Variants in FCHSD2 observed in about 807,000 individuals in gnomAD.
The protein encoded by FCHSD2 is FCH and double SH3 domains 2.
A neutral mutation model predicts 108.1 loss-of-function variants in FCHSD2; 38 were observed. The observed-to-expected ratio is 0.35, with a 90% confidence interval of 0.27 to 0.46. FCHSD2 has a LOEUF of 0.46. FCHSD2 is among the 20% of genes least tolerant of loss of function. The pLI, the probability that FCHSD2 is intolerant of heterozygous loss-of-function variation, is 1.00. For missense variants in FCHSD2, 751 were observed against 897.8 expected, an observed-to-expected ratio of 0.84 and a Z score of 2.09; for synonymous variants, 279 against 314.7, an observed-to-expected ratio of 0.89 and a Z score of 1.20.
chr11:72,866,359 T>C (rs1854724668), intron 13 of FCHSD2, among the ~76,000 whole-genome samples: 1 of 152,172 alleles, frequency 6.6e-6, no homozygotes, highest in Non-Finnish European at 1.5e-5. Context: ...AACCTCTGCC[T>C]CCCGGGTTCA....
chr11:73,043,238 G>T (rs1489316124), intron 3 of FCHSD2, among the ~76,000 whole-genome samples: 2 of 152,132 alleles, frequency 1.3e-5, no homozygotes, highest in African/African-American at 4.8e-5. Flanking sequence ...TCTATGCCCA[G>T]TCTGTTGAGA....
At chr11:72,854,363 T>C (rs1376428704) in intron 13 of FCHSD2, among the ~76,000 whole-genome samples, 1 of 152,236 alleles carries the variant, frequency 6.6e-6, no homozygotes, top group Non-Finnish European at 1.5e-5. Context: ...AATGTATGTA[T>C]ATACCACAAA....
At chr11:72,851,151 G>C (rs1480898728) in intron 13 of FCHSD2, among the ~76,000 whole-genome samples, 2 of 149,514 alleles carry the variant, frequency 1.3e-5, no homozygotes, top group Non-Finnish European at 3.0e-5. Flanking sequence ...CAAGGATGTG[G>C]AGAACAGGAT....
At chr11:73,044,777 C>T (rs1307275978) in intron 3 of FCHSD2, among the ~76,000 whole-genome samples, 2 of 152,070 alleles carry the variant, frequency 1.3e-5, no homozygotes, top group African/African-American at 4.8e-5. Flanking sequence ...AATCATCTAA[C>T]ACTAAGGATG....
intron 10 of FCHSD2, among the ~76,000 whole-genome samples, chr11:72,897,950 T>C (rs1384389429): frequency 1.3e-5 from 2 of 152,190 alleles, no homozygotes; most frequent in African/African-American, 2.4e-5. Flanking sequence ...AAATGATAAT[T>C]GAAGATATAA....
At chr11:72,938,743 A>C (rs1250000540) in intron 8 of FCHSD2, among the ~76,000 whole-genome samples, 1 of 152,182 alleles carries the variant, frequency 6.6e-6, no homozygotes, top group South Asian at 2.1e-4. Flanking sequence ...CTTCAGAATT[A>C]CATTAGTCAC....
chr11:73,014,330 T>C (rs1299669524), intron 4 of FCHSD2, among the ~76,000 whole-genome samples: 1 of 151,956 alleles, frequency 6.6e-6, no homozygotes, highest in Non-Finnish European at 1.5e-5. Flanking sequence ...AGTATCACTA[T>C]ACTGCCCAGT....
chr11:72,985,518 G>A (rs1190237820), intron 6 of FCHSD2, among the ~76,000 whole-genome samples: 1 of 152,180 alleles, frequency 6.6e-6, no homozygotes, highest in Non-Finnish European at 1.5e-5. Flanking sequence ...ATCAACCTAT[G>A]GAGGCAAGCG....
chr11:73,035,651 T>C (rs1278202084), intron 3 of FCHSD2, among the ~76,000 whole-genome samples: 1 of 152,124 alleles, frequency 6.6e-6, no homozygotes, highest in Non-Finnish European at 1.5e-5. Context: ...TTCTACAATA[T>C]GCCAAATGCT....
intron 8 of FCHSD2, among the ~76,000 whole-genome samples, chr11:72,973,148 A>C (rs1011590748): frequency 2.0e-5 from 3 of 152,158 alleles, no homozygotes; most frequent in African/African-American, 7.2e-5. Flanking sequence ...CAGGCGGATC[A>C]CCTGAGGTCA....
At chr11:72,990,776 A>C (rs557198292) in intron 5 of FCHSD2, among the ~76,000 whole-genome samples, 1 of 152,328 alleles carries the variant, frequency 6.6e-6, no homozygotes, top group South Asian at 2.1e-4. Context: ...AAAATTGACA[A>C]CCTAACATGA....
chr11:72,843,361 C>T (rs777348814), intron 15 of FCHSD2, 33 bp from the exon 16 acceptor site: 9 of 1,551,254 alleles, frequency 5.8e-6, no homozygotes, highest in Non-Finnish European at 7.1e-6. Flanking sequence ...AACAAGTTTA[C>T]ACACACAATT....
chr11:73,011,604 C>CTCA (rs1857865278), intron 4 of FCHSD2, among the ~76,000 whole-genome samples: 1 of 152,106 alleles, frequency 6.6e-6, no homozygotes, highest in Admixed American at 6.5e-5. Context: ...GTTCTCAGAG[C>CTCA]GTGTGTGGGA....
At chr11:72,873,082 CA>C (rs1239567419) in intron 12 of FCHSD2, among the ~76,000 whole-genome samples, 4 of 152,196 alleles carry the variant, frequency 2.6e-5, no homozygotes, top group Non-Finnish European at 4.4e-5. Flanking sequence ...ATAATCCCAG[CA>C]CTTCGGGAGG....
intron 13 of FCHSD2, among the ~76,000 whole-genome samples, chr11:72,857,013 T>C (rs775812250): frequency 3.9e-5 from 6 of 152,192 alleles, no homozygotes; most frequent in African/African-American, 9.7e-5. Flanking sequence ...TCCAAAAATA[T>C]ACATGTACTG....
intron 8 of FCHSD2, among the ~76,000 whole-genome samples, chr11:72,925,495 C>T (rs1856058227): frequency 1.3e-5 from 2 of 152,168 alleles, no homozygotes; most frequent in African/African-American, 4.8e-5. Context: ...CACTGCACCC[C>T]AGCCTGGGCA....
intron 17 of FCHSD2, among the ~76,000 whole-genome samples, 194 bp downstream of exon 17, chr11:72,842,427 G>C (rs140147424): frequency 1.3e-5 from 2 of 152,350 alleles, no homozygotes; most frequent in Non-Finnish European, 2.9e-5. Context: ...GGAGGTGTGG[G>C]AGGATGGCCA....
intron 3 of FCHSD2, among the ~76,000 whole-genome samples, chr11:73,039,458 C>A (rs1240872218): frequency 6.6e-6 from 1 of 150,946 alleles, no homozygotes; most frequent in Admixed American, 6.6e-5. Context: ...ATGGAGGTAG[C>A]AGTGAGCCGA....
At position 72,940,645 on chromosome 11, in the gene FCHSD2, C is replaced by T. The variant is rs986546344; in HGVS notation, c.706-18695G>A. On this transcript the variant is annotated intron_variant, in intron 8 of 19. Coordinates refer to ENST00000409418, the MANE Select transcript of FCHSD2 (RefSeq NM_014824.3). ...CCCCACCCAGCCTGATAAAGCGCGCCGACCAGGCTGCAAGGCCAAGCAAGG... is the reference window on the plus strand; with the variant it reads ...CCCCACCCAGCCTGATAAAGCGCGCTGACCAGGCTGCAAGGCCAAGCAAGG... The T allele has an allele frequency of 1.5e-5, 21 of 1,440,714 alleles. No individual in the cohort carries two copies. In the Admixed American group the frequency reaches 1.5e-4, roughly 10 times the overall value. The allele number at this position is 1,440,714 out of a possible 1,614,324, so 89.2% of individuals were successfully genotyped here.
Sources: gnomAD v4.1 joint callset for allele counts (sites outside exome capture counted in the v4.1 genomes callset) on GRCh38, gnomAD v4.1.1 for gene constraint, MANE v1.5 for transcripts, NCBI Gene and HGNC (gene_info 2026-07-23, HGNC 2026-07-21) for gene names.